TDRP: variants seen among roughly 807,000 people sequenced by gnomAD.
TDRP encodes testis development-related protein.
Under a neutral mutation model 10.5 loss-of-function variants are expected in TDRP, and 12 were observed. The observed-to-expected ratio is 1.15, with a 90% CI of 0.73 to 1.86. The LOEUF (loss-of-function observed/expected upper bound fraction) is 1.86, where lower values mean the gene tolerates loss of function less well. Among genes scored for constraint, TDRP ranks in the 40% most tolerant of loss-of-function variants. TDRP has a pLI of 0.00. For synonymous variants in TDRP, 139 were observed against 95.4 expected (o/e 1.46, Z -2.67); for missense variants, 353 against 229.2 (o/e 1.54, Z -3.49).
intron 1 of TDRP, among the ~76,000 whole-genome samples, chr8:544,271 C>CGGGCCCACG (rs1161754023): frequency 6.6e-6 from 1 of 152,044 alleles, no homozygotes; most frequent in Non-Finnish European, 1.5e-5. Context: ...CTCTGCGTCC[C>CGGGCCCACG]GGGCCCACGA....
chr8:526,917 T>C (rs1802049680), intron 1 of TDRP, among the ~76,000 whole-genome samples: 1 of 152,098 alleles, frequency 6.6e-6, no homozygotes, highest in Non-Finnish European at 1.5e-5. Context: ...AATCAAATAA[T>C]CCTTGTTTGC....
intron 1 of TDRP, among the ~76,000 whole-genome samples, chr8:507,453 C>A (rs1452112496): frequency 6.6e-6 from 1 of 152,136 alleles, no homozygotes; most frequent in East Asian, 1.9e-4. Flanking sequence ...TGACTGGATT[C>A]ATTTGTAGAG....
intron 1 of TDRP, among the ~76,000 whole-genome samples, chr8:504,301 G>C (rs866304647): frequency 6.6e-6 from 1 of 152,236 alleles, no homozygotes; most frequent in African/African-American, 2.4e-5. Flanking sequence ...ACTGGGTCTT[G>C]TGTTTCCTTT....
chr8:539,051 T>G (rs1407417520), intron 1 of TDRP, among the ~76,000 whole-genome samples: 1 of 152,196 alleles, frequency 6.6e-6, no homozygotes, highest in Non-Finnish European at 1.5e-5. Context: ...AATATCCCCC[T>G]GAAGGCATCA....
At chr8:522,281 T>C (rs955778255) in intron 1 of TDRP, among the ~76,000 whole-genome samples, 31 of 152,188 alleles carry the variant, frequency 2.0e-4, no homozygotes, top group African/African-American at 7.0e-4. Flanking sequence ...CCCTTTGTCA[T>C]TATGGAACAG....
At chr8:531,342 T>C (rs747952906) in intron 1 of TDRP, among the ~76,000 whole-genome samples, 1 of 152,194 alleles carries the variant, frequency 6.6e-6, no homozygotes, top group Non-Finnish European at 1.5e-5. Flanking sequence ...TCCACCATTG[T>C]GCTGACATCA....
At chr8:513,390 G>T (rs1021057135) in intron 1 of TDRP, among the ~76,000 whole-genome samples, 1 of 151,810 alleles carries the variant, frequency 6.6e-6, no homozygotes, top group African/African-American at 2.4e-5. Flanking sequence ...TATAGCAAAT[G>T]AATAAAAAAA....
At chr8:518,162 G>C (rs1357498540) in intron 1 of TDRP, among the ~76,000 whole-genome samples, 3 of 152,172 alleles carry the variant, frequency 2.0e-5, no homozygotes, top group African/African-American at 7.2e-5. Context: ...TTTTAACAAA[G>C]GCACCGCTCT....
chr8:498,282 G>A (rs374314367), intron 1 of TDRP, among the ~76,000 whole-genome samples: 16 of 152,324 alleles, frequency 1.1e-4, no homozygotes, highest in South Asian at 6.2e-4. Context: ...GAGCCACAGG[G>A]TCTGTGGAGA....
rs534590589 is a variant in TDRP, at chr8:503,678, C to T, written c.109-9081G>A. Among the ~76,000 whole-genome samples the T allele has an allele frequency of 2.6e-3, 374 of 145,190 alleles. 2 individuals are homozygous for T. Among genetic ancestry groups the T allele is most frequent in the African/African-American group, 8.7e-3 (338 of 38,854 alleles). ...ATGCCCACCTCAACACACACCAACA[C>T]GGAATCCACGCCCACATCAGCACAC... is the stretch of plus-strand genomic sequence containing the variant. On this transcript the variant is annotated intron_variant, in intron 1 of 2. Transcript: ENST00000324079.
chr8:494,386 A>G, intron 2 of TDRP, 108 bp downstream of exon 2: 1 of 1,088,684 alleles, frequency 9.2e-7, no homozygotes, highest in Non-Finnish European at 1.4e-6. Flanking sequence ...CGCGCCCCAC[A>G]ATGCCTCCAG....
intron 1 of TDRP, among the ~76,000 whole-genome samples, chr8:521,545 A>G (rs1801905233): frequency 6.6e-6 from 1 of 152,230 alleles, no homozygotes; most frequent in African/African-American, 2.4e-5. Context: ...TCATGTGACC[A>G]TATACATGAG....
rs556233252 is a variant in TDRP at position 506,087 on chromosome 8, A to G, written c.109-11490T>C. ...CCGCTTTCCACTGCCACAAAGACAG[A>G]GGGGCAGAGCCACATGAACACTATT... On this transcript the variant is annotated intron_variant, in intron 1 of 2. Coordinates refer to ENST00000324079, the MANE Select transcript of TDRP (RefSeq NM_001384899.1). 2.0e-5 allele frequency among the ~76,000 whole-genome samples: 3 copies of G among 152,290 alleles called. No individual in the cohort carries two copies. In the South Asian group the frequency reaches 6.2e-4, roughly 32 times the overall value.
intron 1 of TDRP, among the ~76,000 whole-genome samples, chr8:510,962 T>C (rs1156646577): frequency 1.3e-5 from 2 of 152,082 alleles, no homozygotes; most frequent in African/African-American, 4.8e-5. Flanking sequence ...AAGATGAGGG[T>C]AGAAGCAAAG....
At chr8:523,724 G>C (rs1435870680) in intron 1 of TDRP, among the ~76,000 whole-genome samples, 1 of 152,188 alleles carries the variant, frequency 6.6e-6, no homozygotes, top group African/African-American at 2.4e-5. Context: ...GTGGAAAGGG[G>C]AGGGAAGAGT....
At chr8:505,488 C>T (rs539838379) in intron 1 of TDRP, among the ~76,000 whole-genome samples, 15 of 152,288 alleles carry the variant, frequency 9.8e-5, no homozygotes, top group East Asian at 1.9e-4. Flanking sequence ...ATGACTACTG[C>T]GAACCGAAAT....
intron 1 of TDRP, among the ~76,000 whole-genome samples, chr8:528,908 CCCACAACAGGAT>C (rs1554464310): frequency 6.6e-5 from 10 of 152,004 alleles, no homozygotes; most frequent in Non-Finnish European, 1.3e-4. Context: ...ATCACAAGGT[CCCACAACAGGAT>C]GTCTGCAAGC....
chr8:515,796 G>T (rs1215549256), intron 1 of TDRP, among the ~76,000 whole-genome samples: 4 of 152,040 alleles, frequency 2.6e-5, no homozygotes, highest in Non-Finnish European at 5.9e-5. Flanking sequence ...ATAAGTATGT[G>T]CTAAATATAT....
chr8:514,391 C>G (rs141552719), intron 1 of TDRP, among the ~76,000 whole-genome samples: 2 of 152,192 alleles, frequency 1.3e-5, no homozygotes, highest in Non-Finnish European at 2.9e-5. Flanking sequence ...TGTGTGACAA[C>G]TGGAAAGCCA....
Sources: gnomAD v4.1 joint callset for allele counts (sites outside exome capture counted in the v4.1 genomes callset) on GRCh38, gnomAD v4.1.1 for gene constraint, MANE v1.5 for transcripts, NCBI Gene and HGNC (gene_info 2026-07-23, HGNC 2026-07-21) for gene names.